The following RAD51B variants were observed in gnomAD, a reference collection of about 807,000 sequenced individuals.
The protein encoded by RAD51B is RAD51 paralog B.
A neutral mutation model predicts 42.2 loss-of-function variants in RAD51B; 38 were observed. That is an observed-to-expected ratio of 0.90 (90% CI 0.70 to 1.18). The LOEUF is 1.18. Among genes scored for constraint, RAD51B ranks in the 50% most tolerant of loss-of-function variants. RAD51B has a pLI of 0.00. For missense variants in RAD51B, 373 were observed against 400.7 expected (o/e 0.93, Z 0.59); for synonymous variants, 154 against 145.2 (o/e 1.06, Z -0.43).
At position 68,060,497 on chromosome 14, in the gene RAD51B, T is replaced by A. The variant is rs1028144057; in HGVS notation, c.756+173293T>A. Among the ~76,000 whole-genome samples the A allele has an allele frequency of 1.7e-4, 26 of 152,308 alleles. 1 individual carries two copies. Among genetic ancestry groups the A allele is most frequent in the Admixed American group, 1.2e-3 (18 of 15,296 alleles). ...GTAATCTAAGTTATGCAGACATTAA[T>A]CAAAACAGTCATAGTATTTTAATTA... On this transcript the variant is annotated intron_variant, in intron 7 of 10. Transcript: ENST00000471583.
chr14:68,275,777 A>G (rs2081208950), intron 7 of RAD51B, among the ~76,000 whole-genome samples: 1 of 148,560 alleles, frequency 6.7e-6, no homozygotes, highest in South Asian at 2.1e-4. Flanking sequence ...TTCTAAATAC[A>G]GTTTGAAACT....
At chr14:68,301,107 C>T (rs1480267023) in intron 8 of RAD51B, among the ~76,000 whole-genome samples, 1 of 151,986 alleles carries the variant, frequency 6.6e-6, no homozygotes, top group Non-Finnish European at 1.5e-5. Context: ...AATAGAAGGC[C>T]TTTTTAGGTT....
At chr14:68,279,937 C>T (rs1054848867) in intron 7 of RAD51B, among the ~76,000 whole-genome samples, 2 of 152,198 alleles carry the variant, frequency 1.3e-5, no homozygotes, top group South Asian at 2.1e-4. Context: ...ACTCCTATTC[C>T]AGATCCCAGT....
chr14:67,937,474 TCTC>T (rs2044997713), intron 7 of RAD51B, among the ~76,000 whole-genome samples: 2 of 152,164 alleles, frequency 1.3e-5, no homozygotes, highest in Admixed American at 1.3e-4. Flanking sequence ...ACCAGAGAAA[TCTC>T]CTCTCAGTTG....
At chr14:68,145,075 G>A (rs1003780602) in intron 7 of RAD51B, among the ~76,000 whole-genome samples, 3 of 152,094 alleles carry the variant, frequency 2.0e-5, no homozygotes, top group Non-Finnish European at 4.4e-5. Flanking sequence ...AAACATTAGA[G>A]CTGGAAAAGC....
chr14:68,369,114 A>C (rs1218118819), intron 8 of RAD51B, among the ~76,000 whole-genome samples: 1 of 152,222 alleles, frequency 6.6e-6, no homozygotes, highest in Non-Finnish European at 1.5e-5. Flanking sequence ...CTGGTGATAC[A>C]TCCCTCTTGG....
intron 7 of RAD51B, among the ~76,000 whole-genome samples, chr14:68,182,106 G>A (rs1361707479): frequency 6.6e-6 from 1 of 152,134 alleles, no homozygotes; most frequent in Non-Finnish European, 1.5e-5. Flanking sequence ...TCTAATGTGT[G>A]GTCTCAGTAC....
At chr14:68,144,546 T>G (rs1351772513) in intron 7 of RAD51B, among the ~76,000 whole-genome samples, 3 of 152,252 alleles carry the variant, frequency 2.0e-5, no homozygotes, top group Admixed American at 6.5e-5. Flanking sequence ...GAGCATTGTC[T>G]TTTGTTGATG....
chr14:68,304,946 G>C (rs1353159406), intron 8 of RAD51B, among the ~76,000 whole-genome samples: 1 of 152,104 alleles, frequency 6.6e-6, no homozygotes. Context: ...TGGATATCTA[G>C]AGCAGCAATC....
At chr14:68,455,430 G>A (rs1290728060) in intron 9 of RAD51B, among the ~76,000 whole-genome samples, 1 of 151,988 alleles carries the variant, frequency 6.6e-6, no homozygotes, top group Non-Finnish European at 1.5e-5. Context: ...AAAAAGTAAA[G>A]TGTGTAGCCA....
rs1358684005 is a variant in RAD51B, at chr14:67,825,843, C to T, written c.198+266C>T. 2.0e-5 allele frequency among the ~76,000 whole-genome samples: 3 copies of T among 152,070 alleles called. No homozygotes were observed. The East Asian group carries it at 5.8e-4, about 29-fold the overall frequency. On this transcript the variant is annotated intron_variant, in intron 3 of 10. Coordinates refer to ENST00000471583, the MANE Select transcript of RAD51B (RefSeq NM_133510.4). ...CTCCTGGGTTCAAGCGATTCTCCTG[C>T]CTCAGCCTCCTGAGTAGCTGGGATT...
In RAD51B at chr14:67,952,683, G is replaced by A. The variant is rs1198711836; in HGVS notation, c.756+65479G>A. Among the ~76,000 whole-genome samples the A allele has an allele frequency of 4.6e-5, 7 of 151,986 alleles. No homozygotes were observed. In the South Asian group the frequency reaches 1.2e-3, roughly 27 times the overall value. On this transcript the variant is annotated intron_variant, in intron 7 of 10. Transcript: ENST00000471583. Reference sequence around the variant, plus strand: ...AAGGATGTCCTCTGAAAAACTGGCCGGAAGTAGGAGTAGTAGGAGGGGGAG... The same window carrying A: ...AAGGATGTCCTCTGAAAAACTGGCCAGAAGTAGGAGTAGTAGGAGGGGGAG...
intron 10 of RAD51B, among the ~76,000 whole-genome samples, chr14:68,493,947 G>T (rs554356856): frequency 6.6e-6 from 1 of 152,270 alleles, no homozygotes; most frequent in East Asian, 1.9e-4. Flanking sequence ...AAGGCTCCAG[G>T]TTGGAGGAGC....
At chr14:68,184,445 A>C (rs762499354) in intron 7 of RAD51B, among the ~76,000 whole-genome samples, 2 of 151,830 alleles carry the variant, frequency 1.3e-5, no homozygotes, top group Non-Finnish European at 2.9e-5. Context: ...GGGTTTCGCC[A>C]TGTTACCCAG....
intron 10 of RAD51B, among the ~76,000 whole-genome samples, chr14:68,543,563 A>G (rs765161891): frequency 6.6e-6 from 1 of 152,214 alleles, no homozygotes; most frequent in Non-Finnish European, 1.5e-5. Flanking sequence ...TAAAAATACA[A>G]ATTAATGAGA....
At chr14:68,038,281 T>C (rs1359496054) in intron 7 of RAD51B, among the ~76,000 whole-genome samples, 1 of 152,260 alleles carries the variant, frequency 6.6e-6, no homozygotes, top group Admixed American at 6.5e-5. Context: ...GGTTGTATCA[T>C]AGAAAACATT....
At chr14:68,591,187 A>G (rs1051778123) in intron 10 of RAD51B, among the ~76,000 whole-genome samples, 3 of 152,090 alleles carry the variant, frequency 2.0e-5, no homozygotes, top group African/African-American at 7.2e-5. Context: ...GCAACAGGAG[A>G]GTGAGTTGGG....
At chr14:68,364,292 G>T (rs1594731653) in intron 8 of RAD51B, among the ~76,000 whole-genome samples, 2 of 152,340 alleles carry the variant, frequency 1.3e-5, no homozygotes, top group African/African-American at 4.8e-5. Context: ...TGAAACAGAG[G>T]GAGACACTAG....
intron 9 of RAD51B, among the ~76,000 whole-genome samples, chr14:68,411,994 T>G (rs1016353783): frequency 2.6e-5 from 4 of 152,224 alleles, no homozygotes; most frequent in African/African-American, 9.6e-5. Flanking sequence ...CGCATACACC[T>G]GTAGTGTAAA....
Sources: gnomAD v4.1 joint callset for allele counts (sites outside exome capture counted in the v4.1 genomes callset) on GRCh38, gnomAD v4.1.1 for gene constraint, MANE v1.5 for transcripts, NCBI Gene and HGNC (gene_info 2026-07-23, HGNC 2026-07-21) for gene names.